MYO16: variants seen among roughly 807,000 people sequenced by gnomAD.
MYO16 encodes the protein unconventional myosin-XVI.
A neutral mutation model predicts 205.3 loss-of-function variants in MYO16; 94 were observed. That is an observed-to-expected ratio of 0.46 (90% CI 0.39 to 0.54). The LOEUF is 0.54. Ranked by LOEUF, MYO16 falls within the 20% of genes least tolerant of loss-of-function variation. The pLI, the probability that MYO16 is intolerant of heterozygous loss-of-function variation, is 0.00. For missense variants in MYO16, 2,315 were observed against 2,387.5 expected, an observed-to-expected ratio of 0.97 and a Z score of 0.63; for synonymous variants, 988 against 954.0, an observed-to-expected ratio of 1.04 and a Z score of -0.66.
chr13:108,957,587 T>G, intron 16 of MYO16, 101 bp from the exon 17 acceptor site: 1 of 739,638 alleles, frequency 1.4e-6, no homozygotes, highest in Non-Finnish European at 2.4e-6. Flanking sequence ...GTCCAGGTGA[T>G]TCCCATCATT....
chr13:108,547,690 G>T, the MYO16 span, among the ~76,000 whole-genome samples: 1 of 152,222 alleles, frequency 6.6e-6, no homozygotes, highest in African/African-American at 2.4e-5. Flanking sequence ...AAATAAAAAT[G>T]GTGGATGAGA....
chr13:108,829,125 A>G (rs9559419), intron 9 of MYO16, among the ~76,000 whole-genome samples: 35,859 of 152,022 alleles, frequency 0.24, 4,966 homozygotes, highest in East Asian at 0.66. Context: ...GGCAGTCTTG[A>G]TGAGGACTGT....
At chr13:108,745,950 G>T (rs1445952552) in intron 4 of MYO16, among the ~76,000 whole-genome samples, 1 of 152,130 alleles carries the variant, frequency 6.6e-6, no homozygotes, top group Non-Finnish European at 1.5e-5. Flanking sequence ...CACTTTGGGA[G>T]GCCGAGGCGG....
chr13:109,026,586 G>A (rs2139542894), intron 23 of MYO16, among the ~76,000 whole-genome samples: 1 of 152,246 alleles, frequency 6.6e-6, no homozygotes, highest in East Asian at 1.9e-4. Context: ...GTATTTATTG[G>A]TTCATCTTGA....
chr13:108,496,178 A>G, the MYO16 span, among the ~76,000 whole-genome samples: 2 of 151,894 alleles, frequency 1.3e-5, no homozygotes, highest in Non-Finnish European at 2.9e-5. Flanking sequence ...AATCGCGGGG[A>G]CTTCCCAACC....
At chr13:108,616,436 T>C (rs1310673059) in intron 1 of MYO16, among the ~76,000 whole-genome samples, 2 of 152,116 alleles carry the variant, frequency 1.3e-5, no homozygotes, top group Non-Finnish European at 2.9e-5. Context: ...GAGAGAACTG[T>C]GGATGGTATC....
intron 32 of MYO16, among the ~76,000 whole-genome samples, chr13:109,161,123 C>A (rs541569212): frequency 3.5e-4 from 54 of 152,254 alleles, no homozygotes; most frequent in Middle Eastern, 3.4e-3. Flanking sequence ...TAGAATGCCG[C>A]GGCTACTACA....
intron 23 of MYO16, among the ~76,000 whole-genome samples, chr13:109,020,600 T>G (rs574879061): frequency 2.6e-5 from 4 of 152,240 alleles, no homozygotes; most frequent in Non-Finnish European, 5.9e-5. Context: ...TGATATATCT[T>G]CCTTGTCTTC....
intron 32 of MYO16, among the ~76,000 whole-genome samples, chr13:109,155,897 T>G (rs1877991409): frequency 6.6e-6 from 1 of 152,210 alleles, no homozygotes; most frequent in Non-Finnish European, 1.5e-5. Context: ...GAAATTCGTC[T>G]TTCTGAGAGG....
chr13:108,572,762 A>G, the MYO16 span, among the ~76,000 whole-genome samples: 3 of 152,196 alleles, frequency 2.0e-5, no homozygotes, highest in Non-Finnish European at 4.4e-5. Context: ...TTTAAACACT[A>G]GATCTATCGG....
intron 10 of MYO16, among the ~76,000 whole-genome samples, chr13:108,849,886 C>G: frequency 8.8e-6 from 1 of 114,094 alleles, no homozygotes; most frequent in East Asian, 2.3e-4. Flanking sequence ...TGAATTTCCT[C>G]TTTTTTTTTT....
At chr13:108,834,689 T>A (rs1423562650) in intron 9 of MYO16, among the ~76,000 whole-genome samples, 2 of 151,348 alleles carry the variant, frequency 1.3e-5, no homozygotes, top group Admixed American at 1.3e-4. Context: ...TATATGTGAA[T>A]ATATATATAT....
chr13:108,873,624 T>G (rs1370822926), intron 12 of MYO16, among the ~76,000 whole-genome samples: 1 of 146,588 alleles, frequency 6.8e-6, no homozygotes, highest in Non-Finnish European at 1.5e-5. Context: ...CAGGACAGGG[T>G]CCAGGCCAAC....
intron 15 of MYO16, among the ~76,000 whole-genome samples, chr13:108,900,719 A>G (rs1401607326): frequency 1.3e-5 from 2 of 152,126 alleles, no homozygotes; most frequent in African/African-American, 2.4e-5. Flanking sequence ...AACTGTACGA[A>G]TTGTTTGTAG....
At chr13:108,695,890 T>C (rs547499766) in intron 2 of MYO16, among the ~76,000 whole-genome samples, 109 of 152,308 alleles carry the variant, frequency 7.2e-4, no homozygotes, top group African/African-American at 2.5e-3. Context: ...AAAACTAATG[T>C]GATTTTCTAT....
intron 9 of MYO16, among the ~76,000 whole-genome samples, chr13:108,837,769 A>G (rs1248453730): frequency 6.6e-6 from 1 of 152,208 alleles, no homozygotes; most frequent in Non-Finnish European, 1.5e-5. Flanking sequence ...TACTGCACTT[A>G]GATTTGAGAT....
chr13:108,544,270 GAACA>G, the MYO16 span, among the ~76,000 whole-genome samples: 6 of 151,906 alleles, frequency 3.9e-5, no homozygotes, highest in Admixed American at 3.9e-4. Flanking sequence ...CTTTAATCAG[GAACA>G]ATCACCAGAT....
the MYO16 span, among the ~76,000 whole-genome samples, chr13:108,582,442 A>T: frequency 6.6e-6 from 1 of 152,216 alleles, no homozygotes; most frequent in Non-Finnish European, 1.5e-5. Flanking sequence ...AAGAGAGGAT[A>T]TTCTGACCAA....
chr13:108,880,544 G>A (rs1879561568), intron 12 of MYO16, among the ~76,000 whole-genome samples: 1 of 152,150 alleles, frequency 6.6e-6, no homozygotes, highest in Non-Finnish European at 1.5e-5. Flanking sequence ...TTTGTATAAG[G>A]TGTAAGGAAG....
Sources: allele counts gnomAD v4.1 joint callset (sites outside exome capture counted in the v4.1 genomes callset), GRCh38; gene constraint gnomAD v4.1.1; transcripts MANE v1.5; gene names NCBI Gene and HGNC (gene_info 2026-07-23, HGNC 2026-07-21).